Variants in CACNA1A observed in about 807,000 individuals in gnomAD.
CACNA1A encodes the protein calcium voltage-gated channel subunit alpha1 A, also known as voltage-dependent P/Q-type calcium channel subunit alpha-1A.
In CACNA1A, 57 loss-of-function variants were observed where a neutral mutation model predicts 262.4. The observed-to-expected ratio is 0.22, with a 90% CI of 0.18 to 0.27. The LOEUF is 0.27. Ranked by LOEUF, CACNA1A falls within the 10% of genes least tolerant of loss-of-function variation. The probability of loss-of-function intolerance (pLI) is 1.00; values close to 1 mark genes in which losing one functional copy is unlikely to be tolerated. For synonymous variants in CACNA1A, 1,431 were observed against 1,419.3 expected, an observed-to-expected ratio of 1.01 and a Z score of -0.18; for missense variants, 2,526 against 3,562.8, an observed-to-expected ratio of 0.71 and a Z score of 7.41.
Position 13,459,167 on chromosome 19 carries a change from C to A in CACNA1A, c.294-3955G>T, listed in dbSNP as rs1012851799. On this transcript the variant is annotated intron_variant, in intron 1 of 46. Coordinates refer to ENST00000360228, the MANE Select transcript of CACNA1A (RefSeq NM_001127222.2). ...AATTAGTATGTCTTGGGGAACTTGA[C>A]CATGCTAAACCTCTCCCCTCCTCGT... is the stretch of plus-strand genomic sequence containing the variant. 6.6e-5 allele frequency among the ~76,000 whole-genome samples: 10 copies of A among 152,190 alleles called. No homozygotes were observed. In the East Asian group the frequency reaches 1.9e-3, roughly 29 times the overall value.
Position 13,433,073 on chromosome 19 carries a change from C to G in CACNA1A, c.539+19803G>C, listed in dbSNP as rs1173783133. 2.0e-5 allele frequency among the ~76,000 whole-genome samples: 3 copies of G among 151,926 alleles called. No individual in the cohort carries two copies. In the South Asian group the frequency reaches 6.2e-4, roughly 32 times the overall value. ...CTTTGGGAGGCTGAGGTGGGCGGATCACGAAGTCAGGAGATGGAGACCATC... is the reference window on the plus strand; with the variant it reads ...CTTTGGGAGGCTGAGGTGGGCGGATGACGAAGTCAGGAGATGGAGACCATC... On this transcript the variant is annotated intron_variant, in intron 3 of 46. Transcript: ENST00000360228.
rs1422510270 is a variant in CACNA1A, at chr19:13,506,472, C to T, written c.-248G>A. On this transcript the variant is annotated 5_prime_UTR_variant, in exon 1 of 47. Coordinates refer to ENST00000360228, the MANE Select transcript of CACNA1A (RefSeq NM_001127222.2). ...CAGCTCGGGACATCTTCCTGGCTGACCCCGGAGAAGGAGGGGCGGGAGGAG... is the reference window on the plus strand; with the variant it reads ...CAGCTCGGGACATCTTCCTGGCTGATCCCGGAGAAGGAGGGGCGGGAGGAG... 1 of 351,364 alleles carries T rather than the reference C, an allele frequency of 2.8e-6. No homozygotes were observed. The highest frequency in any genetic ancestry group is 5.0e-6 in the Non-Finnish European group (1 of 198,176). The allele number at this position is 351,364 out of a possible 1,614,324, so 21.8% of individuals were successfully genotyped here.
intron 4 of CACNA1A, among the ~76,000 whole-genome samples, chr19:13,369,448 A>T (rs1030791600): frequency 2.6e-5 from 4 of 152,122 alleles, no homozygotes; most frequent in African/African-American, 9.7e-5. Flanking sequence ...GTCCCCCAAT[A>T]AAGCAGGTGC....
At position 13,241,236 on chromosome 19, in the gene CACNA1A, G is replaced by A. The variant is rs1294786426; in HGVS notation, c.4950+3946C>T. On this transcript the variant is annotated intron_variant, in intron 31 of 46. Transcript: ENST00000360228. This position sits in a 1 kb window ranked among gnomAD's most constrained non-coding sequence, Gnocchi z 4.0. ...GTGCGGGATGGGGCAAGAGAGAGGT[G>A]CTGCGCTGGGAAAACCCATCCCTTT... Among the ~76,000 whole-genome samples, 1 of 152,130 alleles carries A rather than the reference G, an allele frequency of 6.6e-6. No homozygotes were observed.
intron 1 of CACNA1A, among the ~76,000 whole-genome samples, chr19:13,486,416 C>A (rs1417603622): frequency 6.6e-6 from 1 of 152,028 alleles, no homozygotes; most frequent in Non-Finnish European, 1.5e-5. Context: ...CTCACACACA[C>A]ACATACACAC....
At chr19:13,394,505 C>T (rs1345111725) in intron 3 of CACNA1A, among the ~76,000 whole-genome samples, 6 of 152,138 alleles carry the variant, frequency 3.9e-5, no homozygotes, top group Admixed American at 6.6e-5. Context: ...GTTGATTAAA[C>T]GTTGTCAGGG....
chr19:13,492,310 C>T (rs1980984080), intron 1 of CACNA1A, among the ~76,000 whole-genome samples: 1 of 152,140 alleles, frequency 6.6e-6, no homozygotes, highest in Non-Finnish European at 1.5e-5. Context: ...CTGGAAAATG[C>T]TCTATGTCTT....
intron 10 of CACNA1A, among the ~76,000 whole-genome samples, chr19:13,323,457 T>C (rs1157896812): frequency 6.6e-6 from 1 of 152,026 alleles, no homozygotes; most frequent in Non-Finnish European, 1.5e-5. Flanking sequence ...CCTTTGCACA[T>C]TTTTATTTTT....
chr19:13,228,604 A>ATATATATATATATATATAT (rs1330101564), intron 36 of CACNA1A: 30 of 72,284 alleles, frequency 4.2e-4, no homozygotes, highest in Non-Finnish European at 7.3e-4. Flanking sequence ...AGAGAGAGAG[A>ATATATATATATATATATAT]GATATATATA....
At position 13,241,553 on chromosome 19, in the gene CACNA1A, G is replaced by T; in HGVS notation, c.4950+3629C>A. 1.5e-6 allele frequency: 2 copies of T among 1,321,446 alleles called. No homozygotes were observed. The highest frequency in any genetic ancestry group is 2.1e-6 in the Non-Finnish European group (2 of 946,386). The allele number at this position is 1,321,446 out of a possible 1,614,324, so 81.9% of individuals were successfully genotyped here. On this transcript the variant is annotated intron_variant, in intron 31 of 46. Transcript: ENST00000360228. The surrounding 1 kb of genome is among the most constrained non-coding windows in gnomAD (Gnocchi z 4.0). ...TAGATGCAGATGTTGAAGATGAGGG[G>T]GAGCGGGCGGGCGGGGGCAGTTGGG...
chr19:13,446,085 G>A (rs371129260), intron 3 of CACNA1A, among the ~76,000 whole-genome samples: 2 of 151,922 alleles, frequency 1.3e-5, no homozygotes, highest in African/African-American at 4.8e-5. Flanking sequence ...GACCAGTCTG[G>A]CTGATAGTGT....
At chr19:13,448,513 C>CA (rs1038746313) in intron 3 of CACNA1A, among the ~76,000 whole-genome samples, 10 of 151,742 alleles carry the variant, frequency 6.6e-5, no homozygotes, top group African/African-American at 2.2e-4. Context: ...AAAAGTAAAA[C>CA]AAAAAAAACC....
chr19:13,270,478 A>C (rs2056990355), intron 24 of CACNA1A, among the ~76,000 whole-genome samples: 1 of 152,078 alleles, frequency 6.6e-6, no homozygotes. Context: ...GCTCCTTCCA[A>C]TGTGCCAACT....
At chr19:13,425,987 G>A (rs1055056424) in intron 3 of CACNA1A, among the ~76,000 whole-genome samples, 5 of 152,214 alleles carry the variant, frequency 3.3e-5, no homozygotes, top group African/African-American at 1.2e-4. Flanking sequence ...GGGCCTGGGA[G>A]GCTGAGGTTG....
At chr19:13,255,729 C>T (rs1338444794) in intron 28 of CACNA1A, among the ~76,000 whole-genome samples, 61 of 112,366 alleles carry the variant, frequency 5.4e-4, no homozygotes, top group African/African-American at 2.3e-3. Context: ...CCTTCTCTCC[C>T]TCCCTCCTTC....
chr19:13,359,931 G>C (rs1292989141), intron 5 of CACNA1A, 132 bp from the exon 6 acceptor site: 1 of 478,470 alleles, frequency 2.1e-6, no homozygotes, highest in Non-Finnish European at 3.5e-6. Context: ...TCTTCAAAGA[G>C]ATCAATGTTT....
intron 1 of CACNA1A, among the ~76,000 whole-genome samples, chr19:13,485,407 T>G (rs140135814): frequency 3.3e-5 from 5 of 152,180 alleles, no homozygotes; most frequent in African/African-American, 1.2e-4. Flanking sequence ...TTAAGAACTG[T>G]TGGTGATCAA....
intron 1 of CACNA1A, among the ~76,000 whole-genome samples, chr19:13,500,222 T>G (rs541709741): frequency 6.6e-6 from 1 of 152,346 alleles, no homozygotes; most frequent in African/African-American, 2.4e-5. Context: ...GACAGGTACC[T>G]TTTCTCATTT....
Position 13,339,949 on chromosome 19 carries a change from C to T in CACNA1A, c.979-4040G>A, listed in dbSNP as rs117648200. Among the ~76,000 whole-genome samples the T allele has an allele frequency of 5.6e-4, 85 of 152,294 alleles. No individual in the cohort carries two copies. The East Asian group carries it at 0.015, about 26-fold the overall frequency. On this transcript the variant is annotated intron_variant, in intron 6 of 46. Coordinates refer to ENST00000360228, the MANE Select transcript of CACNA1A (RefSeq NM_001127222.2). ...GTTCTGGAAGAAAGAACCGAGTCAGCGGAACATTGCTGGACAGAAGGCAGC... is the reference window on the plus strand; with the variant it reads ...GTTCTGGAAGAAAGAACCGAGTCAGTGGAACATTGCTGGACAGAAGGCAGC...
Sources: gnomAD v4.1 joint callset for allele counts (sites outside exome capture counted in the v4.1 genomes callset) on GRCh38, gnomAD v4.1.1 for gene constraint, Gnocchi (gnomAD v3.1) non-coding constraint, MANE v1.5 for transcripts, NCBI Gene and HGNC (gene_info 2026-07-23, HGNC 2026-07-21) for gene names.